Variants in SLC35F4 observed in about 807,000 individuals in gnomAD.
SLC35F4 encodes the protein solute carrier family 35 member F4.
A neutral mutation model predicts 44.2 loss-of-function variants in SLC35F4; 24 were observed. The ratio of observed to expected loss-of-function variants is 0.54; its 90% CI spans 0.39 to 0.76. The LOEUF (loss-of-function observed/expected upper bound fraction) is 0.76. Among genes scored for constraint, SLC35F4 ranks in the 30% least tolerant of loss-of-function variants. SLC35F4 has a pLI of 0.00. For synonymous variants in SLC35F4, 238 were observed against 223.6 expected (o/e 1.06, Z -0.57); for missense variants, 562 against 586.1 (o/e 0.96, Z 0.42).
intron 1 of SLC35F4, among the ~76,000 whole-genome samples, chr14:57,724,658 C>A (rs188597312): frequency 1.3e-3 from 201 of 152,282 alleles, no homozygotes; most frequent in South Asian, 7.5e-3. Flanking sequence ...ATTCTCCCCC[C>A]CAGCCTGCAC....
At chr14:57,743,200 G>A (rs9646157) in intron 1 of SLC35F4, among the ~76,000 whole-genome samples, 1 of 152,020 alleles carries the variant, frequency 6.6e-6, no homozygotes, top group Non-Finnish European at 1.5e-5. Context: ...AAAGCTAGCA[G>A]AAGGCAAGAA....
chr14:57,724,835 A>T (rs2076164505), intron 1 of SLC35F4, among the ~76,000 whole-genome samples: 2 of 152,194 alleles, frequency 1.3e-5, no homozygotes, highest in South Asian at 4.1e-4. Flanking sequence ...ATGAAAGGAA[A>T]TCTTCCCAGT....
chr14:57,799,213 C>A (rs1361971821), intron 1 of SLC35F4, among the ~76,000 whole-genome samples: 2 of 152,098 alleles, frequency 1.3e-5, no homozygotes, highest in Non-Finnish European at 2.9e-5. Flanking sequence ...CCAAAGAAAC[C>A]CCCACCCCCA....
At chr14:57,780,650 A>C (rs1359624842) in intron 1 of SLC35F4, among the ~76,000 whole-genome samples, 1 of 152,214 alleles carries the variant, frequency 6.6e-6, no homozygotes. Context: ...CAAAAAGAAC[A>C]AAACAAGAGC....
At chr14:57,788,532 A>G (rs1192767352) in intron 1 of SLC35F4, among the ~76,000 whole-genome samples, 1 of 152,204 alleles carries the variant, frequency 6.6e-6, no homozygotes, top group Non-Finnish European at 1.5e-5. Context: ...ATGAGTCTCA[A>G]TAAATTTAAG....
chr14:57,795,513 C>T (rs1356007268), intron 1 of SLC35F4, among the ~76,000 whole-genome samples: 1 of 152,130 alleles, frequency 6.6e-6, no homozygotes, highest in Non-Finnish European at 1.5e-5. Flanking sequence ...AGCCAGTCTG[C>T]TTATGTATTG....
intron 1 of SLC35F4, among the ~76,000 whole-genome samples, chr14:57,895,123 T>C (rs987520471): frequency 7.2e-5 from 11 of 152,120 alleles, no homozygotes; most frequent in African/African-American, 2.4e-5. Flanking sequence ...TTGGCAGTAC[T>C]GCCTTGGTGG....
At chr14:57,616,976 G>A (rs779380487) in intron 1 of SLC35F4, among the ~76,000 whole-genome samples, 23 of 151,860 alleles carry the variant, frequency 1.5e-4, no homozygotes, top group Admixed American at 3.3e-4. Flanking sequence ...TATACATTAT[G>A]AAAATGTGGT....
At chr14:57,741,653 A>G (rs1429840349) in intron 1 of SLC35F4, among the ~76,000 whole-genome samples, 2 of 152,240 alleles carry the variant, frequency 1.3e-5, no homozygotes, top group Admixed American at 6.5e-5. Flanking sequence ...ACCAAGTTGG[A>G]AAACACTCAG....
At chr14:57,600,129 C>T (rs1344887059) in intron 1 of SLC35F4, among the ~76,000 whole-genome samples, 1 of 152,172 alleles carries the variant, frequency 6.6e-6, no homozygotes, top group Non-Finnish European at 1.5e-5. Flanking sequence ...ATCATATGAT[C>T]TCCTAACCCC....
chr14:57,657,894 A>G (rs902067256), intron 1 of SLC35F4, among the ~76,000 whole-genome samples: 4 of 152,220 alleles, frequency 2.6e-5, no homozygotes, highest in Admixed American at 1.3e-4. Flanking sequence ...TTATAGTGGT[A>G]TAAAGTTGGT....
chr14:57,956,514 CG>C (rs1566514331), intron 1 of SLC35F4, among the ~76,000 whole-genome samples: 1 of 151,880 alleles, frequency 6.6e-6, no homozygotes, highest in Non-Finnish European at 1.5e-5. Context: ...ACCTACAGAA[CG>C]GGAGAAAATT....
At chr14:57,901,291 C>T (rs2141045322) in intron 1 of SLC35F4, among the ~76,000 whole-genome samples, 1 of 152,270 alleles carries the variant, frequency 6.6e-6, no homozygotes, top group East Asian at 1.9e-4. Flanking sequence ...CAATGATAAA[C>T]TGGATAAAGA....
At chr14:57,742,370 T>C (rs1451510887) in intron 1 of SLC35F4, among the ~76,000 whole-genome samples, 1 of 152,036 alleles carries the variant, frequency 6.6e-6, no homozygotes, top group African/African-American at 2.4e-5. Flanking sequence ...AATAAAGGGA[T>C]GGAGGAAGAT....
At chr14:57,720,979 CATATATATATATATATATATATAT>C (rs3062932) in intron 1 of SLC35F4, among the ~76,000 whole-genome samples, 69 of 49,810 alleles carry the variant, frequency 1.4e-3, no homozygotes, top group African/African-American at 4.1e-3. Context: ...ATAAACTCCT[CATATATATATATATATATATATAT>C]ATATATATAT....
chr14:57,668,547 ATGGC>A (rs2074399773), intron 1 of SLC35F4, among the ~76,000 whole-genome samples: 1 of 152,112 alleles, frequency 6.6e-6, no homozygotes, highest in Non-Finnish European at 1.5e-5. Flanking sequence ...CTTTCTGCAT[ATGGC>A]TAGCCAGTTT....
intron 1 of SLC35F4, among the ~76,000 whole-genome samples, chr14:57,633,368 GT>G (rs2072876057): frequency 6.6e-6 from 1 of 152,062 alleles, no homozygotes; most frequent in Non-Finnish European, 1.5e-5. Context: ...AAGAATTCCT[GT>G]TGCTCCACAT....
chr14:57,929,344 G>A (rs1297821041), intron 1 of SLC35F4, among the ~76,000 whole-genome samples: 1 of 151,936 alleles, frequency 6.6e-6, no homozygotes, highest in African/African-American at 2.4e-5. Flanking sequence ...ACATTAAAAT[G>A]TTTCTTCTAA....
chr14:57,623,315 G>A (rs915701448), intron 1 of SLC35F4, among the ~76,000 whole-genome samples: 3 of 152,140 alleles, frequency 2.0e-5, no homozygotes, highest in Non-Finnish European at 2.9e-5. Context: ...TGTAAAGCAA[G>A]TTCTTAGAGA....
Sources: allele counts gnomAD v4.1 joint callset (sites outside exome capture counted in the v4.1 genomes callset), GRCh38; gene constraint gnomAD v4.1.1; transcripts MANE v1.5; gene names NCBI Gene and HGNC (gene_info 2026-07-23, HGNC 2026-07-21).